Variants in TASP1 observed in about 807,000 individuals in gnomAD.
The protein encoded by TASP1 is taspase 1.
Under a neutral mutation model 56.6 loss-of-function variants are expected in TASP1, and 16 were observed. The observed-to-expected ratio is 0.28, with a 90% CI of 0.19 to 0.43. The LOEUF is 0.43. Ranked by LOEUF, TASP1 falls within the 20% of genes least tolerant of loss-of-function variation. The pLI is 1.00. For synonymous variants in TASP1, 179 were observed against 184.2 expected (o/e 0.97, Z 0.23); for missense variants, 393 against 511.6 (o/e 0.77, Z 2.24).
the TASP1 span, among the ~76,000 whole-genome samples, chr20:13,119,860 T>C: frequency 2.6e-5 from 4 of 152,228 alleles, no homozygotes; most frequent in African/African-American, 7.2e-5. Flanking sequence ...GTATCCCTGA[T>C]GACTTAAAAA....
the TASP1 span, among the ~76,000 whole-genome samples, chr20:13,193,174 G>A: frequency 6.6e-6 from 1 of 152,102 alleles, no homozygotes; most frequent in Non-Finnish European, 1.5e-5. Flanking sequence ...AAAAGCAAAA[G>A]TGCAAGAAGG....
intron 12 of TASP1, among the ~76,000 whole-genome samples, chr20:13,431,240 T>TAAA (rs1305928280): frequency 6.6e-6 from 1 of 152,200 alleles, no homozygotes; most frequent in African/African-American, 2.4e-5. Flanking sequence ...TTTATAGTTA[T>TAAA]ACTCTTATGA....
chr20:13,212,807 C>G, the TASP1 span, among the ~76,000 whole-genome samples: 58 of 152,266 alleles, frequency 3.8e-4, no homozygotes, highest in South Asian at 7.3e-3. Flanking sequence ...CATGCTTATT[C>G]CTCTACAAAG....
the TASP1 span, among the ~76,000 whole-genome samples, chr20:13,311,515 C>T: frequency 6.6e-6 from 1 of 152,072 alleles, no homozygotes; most frequent in East Asian, 1.9e-4. Context: ...TACTCAATAG[C>T]TGAGATATGA....
At chr20:13,295,540 G>A in the TASP1 span, among the ~76,000 whole-genome samples, 131 of 152,168 alleles carry the variant, frequency 8.6e-4, 1 homozygote, top group African/African-American at 3.1e-3. Flanking sequence ...TTCCCCCATC[G>A]ATGCTATTGC....
the TASP1 span, among the ~76,000 whole-genome samples, chr20:13,293,207 C>CAA: frequency 3.6e-3 from 315 of 87,358 alleles, 4 homozygotes; most frequent in Middle Eastern, 0.017. Context: ...GACTCCGTCT[C>CAA]AAAAAAAAAA....
chr20:13,632,167 A>T (rs1242064719), intron 1 of TASP1, among the ~76,000 whole-genome samples: 1 of 152,070 alleles, frequency 6.6e-6, no homozygotes, highest in African/African-American at 2.4e-5. Context: ...GTTCAAGACC[A>T]GCCTGGCCAA....
At chr20:13,225,873 T>A in the TASP1 span, among the ~76,000 whole-genome samples, 1 of 152,164 alleles carries the variant, frequency 6.6e-6, no homozygotes, top group Non-Finnish European at 1.5e-5. Context: ...AAAACATACA[T>A]AGATATGGAT....
chr20:13,327,588 G>A, the TASP1 span, among the ~76,000 whole-genome samples: 1 of 152,114 alleles, frequency 6.6e-6, no homozygotes, highest in Non-Finnish European at 1.5e-5. Context: ...AAAACAGCAT[G>A]GTACTGGTAC....
intron 1 of TASP1, among the ~76,000 whole-genome samples, chr20:13,637,908 C>T (rs1034889513): frequency 6.6e-6 from 1 of 152,164 alleles, no homozygotes; most frequent in Admixed American, 6.5e-5. Context: ...CTTAATAAGA[C>T]TTTCTCAAGA....
chr20:13,253,717 CA>C, the TASP1 span, among the ~76,000 whole-genome samples: 1 of 151,996 alleles, frequency 6.6e-6, no homozygotes, highest in Non-Finnish European at 1.5e-5. Flanking sequence ...CTGGGGCCCC[CA>C]TTTTGAGAAC....
the TASP1 span, among the ~76,000 whole-genome samples, chr20:13,374,092 T>C: frequency 6.6e-6 from 1 of 152,222 alleles, no homozygotes; most frequent in Admixed American, 6.5e-5. Context: ...TTTGGTTCTA[T>C]TTTTATGTCT....
the TASP1 span, among the ~76,000 whole-genome samples, chr20:13,362,128 C>A: frequency 6.7e-6 from 1 of 150,254 alleles, no homozygotes. Flanking sequence ...TGAAGCAGCC[C>A]TGAGAAACAT....
chr20:13,288,960 G>GT, the TASP1 span, among the ~76,000 whole-genome samples: 6 of 151,946 alleles, frequency 3.9e-5, no homozygotes, highest in Non-Finnish European at 8.8e-5. Flanking sequence ...AATTTTTGTA[G>GT]TTTTTTAAGT....
intron 12 of TASP1, among the ~76,000 whole-genome samples, chr20:13,424,622 G>T (rs1411238553): frequency 6.6e-6 from 1 of 151,928 alleles, no homozygotes; most frequent in Non-Finnish European, 1.5e-5. Context: ...TCTCGGTGTG[G>T]TCAAGCTCAA....
At chr20:13,433,535 AAAAAAAT>A (rs2042890021) in intron 12 of TASP1, among the ~76,000 whole-genome samples, 1 of 151,518 alleles carries the variant, frequency 6.6e-6, no homozygotes, top group African/African-American at 2.4e-5. Context: ...AAAAAAAAAA[AAAAAAAT>A]ACAGCTGGTG....
chr20:13,205,695 T>A, the TASP1 span, among the ~76,000 whole-genome samples: 2 of 152,042 alleles, frequency 1.3e-5, no homozygotes, highest in Non-Finnish European at 2.9e-5. Flanking sequence ...CAGCCCCACC[T>A]CCGAATGCCA....
At chr20:13,579,819 A>G (rs1300089834) in intron 6 of TASP1, among the ~76,000 whole-genome samples, 1 of 152,172 alleles carries the variant, frequency 6.6e-6, no homozygotes, top group Non-Finnish European at 1.5e-5. Flanking sequence ...CTAGTGCCAT[A>G]ATTAAACTGG....
At chr20:13,488,032 G>C (rs190010963) in intron 10 of TASP1, among the ~76,000 whole-genome samples, 1 of 152,032 alleles carries the variant, frequency 6.6e-6, no homozygotes, top group African/African-American at 2.4e-5. Context: ...ACAGAGCCTA[G>C]AATGATAAAG....
Sources: gnomAD v4.1 joint callset for allele counts (sites outside exome capture counted in the v4.1 genomes callset) on GRCh38, gnomAD v4.1.1 for gene constraint, MANE v1.5 for transcripts, NCBI Gene and HGNC (gene_info 2026-07-23, HGNC 2026-07-21) for gene names.